The following MRC1 variants were observed in gnomAD, a reference collection of about 807,000 sequenced individuals.
MRC1 encodes macrophage mannose receptor 1.
In MRC1, 62 loss-of-function variants were observed where a neutral mutation model predicts 102.9. That is an observed-to-expected ratio of 0.60 (90% CI 0.49 to 0.74). The LOEUF (loss-of-function observed/expected upper bound fraction) is 0.74. MRC1 is among the 30% of genes least tolerant of loss of function. The pLI is 0.00. For synonymous variants in MRC1, 457 were observed against 298.4 expected (o/e 1.53, Z -5.48); for missense variants, 1,237 against 862.8 (o/e 1.43, Z -5.43).
chr10:17,845,418 C>A lies in MRC1; in HGVS notation c.1046C>A (p.Ser349Tyr). Residue 349 changes from serine to tyrosine, a missense_variant, in exon 6 of 30, where the codon TCT becomes TAT. Ser to Tyr is a moderately radical substitution (Grantham distance 144, BLOSUM62 -2). Coordinates refer to ENST00000569591, the MANE Select transcript of MRC1 (RefSeq NM_002438.4). The part of the protein sequence containing the change: ...ICKKGNTTLN[S>Y]FVIPSESDVP... The stretch of plus-strand genomic sequence containing the variant: ...AAAAAGGGCAACACCACTTTAAATT[C>A]TTTTGTTATTCCCTCAGGTAAGTGA... 2.6e-6 allele frequency: 2 copies of A among 780,854 alleles called. No homozygotes were observed. The highest frequency in any genetic ancestry group is 3.4e-5 in the Admixed American group (2 of 59,038). The allele number at this position is 780,854 out of a possible 1,614,324, so 48.4% of individuals were successfully genotyped here.
intron 2 of MRC1, among the ~76,000 whole-genome samples, chr10:17,825,747 T>C (rs1340829207): frequency 6.6e-6 from 1 of 152,112 alleles, no homozygotes; most frequent in Non-Finnish European, 1.5e-5. Context: ...ATAAAATAAG[T>C]AAATAAAGCT....
chr10:17,910,279 G>T lies in MRC1; in HGVS notation c.4185G>T (p.Val1395=), dbSNP rs983895256. 11 of 780,714 alleles carry T rather than the reference G, an allele frequency of 1.4e-5. No homozygotes were observed. Among genetic ancestry groups the T allele is most frequent in the Non-Finnish European group, 2.4e-5 (10 of 417,960 alleles). The allele number at this position is 780,714 out of a possible 1,614,324, so 48.4% of individuals were successfully genotyped here. A position where few individuals can be genotyped will look rare whatever the true frequency, so the allele number is the denominator to read the frequency against. The change falls in exon 30 of 30, where the codon GTG becomes GTT. Residue 1395 remains valine, a synonymous_variant. Coordinates refer to ENST00000569591, the MANE Select transcript of MRC1 (RefSeq NM_002438.4). ...SSNVAGVVII[V]ILLILTGAGL... is the part of the protein sequence containing the mutation. ...ACGTGGCCGGAGTAGTCATCATTGTGATCCTCCTGATTTTAACGGGTGCTG... is the reference window on the plus strand; with the variant it reads ...ACGTGGCCGGAGTAGTCATCATTGTTATCCTCCTGATTTTAACGGGTGCTG...
At chr10:17,831,612 A>G (rs1306175814) in intron 3 of MRC1, among the ~76,000 whole-genome samples, 1 of 151,412 alleles carries the variant, frequency 6.6e-6, no homozygotes, top group Admixed American at 6.6e-5. Context: ...GTGCTTATGG[A>G]AAATTGCCTA....
intron 8 of MRC1, among the ~76,000 whole-genome samples, chr10:17,853,479 A>T (rs982245655): frequency 0.029 from 4,406 of 152,192 alleles, 116 homozygotes; most frequent in Non-Finnish European, 0.036. Context: ...CATCTGACCA[A>T]TTAAGCCATA....
rs1833537675 is a variant in MRC1, at chr10:17,882,787, A to T, written c.2980+1606A>T. Among the ~76,000 whole-genome samples the T allele has an allele frequency of 2.0e-5, 3 of 152,256 alleles. No homozygotes were observed. In the South Asian group the frequency reaches 6.2e-4, roughly 32 times the overall value. On this transcript the variant is annotated intron_variant, in intron 21 of 29. Transcript: ENST00000569591. ...AAAGCACACAGTACAAGAACATAAC[A>T]TTCACATTTCTCCAACTGGCCTACC...
intron 26 of MRC1, 117 bp from the exon 27 acceptor site, chr10:17,906,769 C>A (rs1833901512): frequency 1.3e-6 from 1 of 757,028 alleles, no homozygotes; most frequent in Non-Finnish European, 2.5e-6. Flanking sequence ...GAAATTCTTC[C>A]CCTTAAGTGG....
intron 1 of MRC1, among the ~76,000 whole-genome samples, chr10:17,822,231 A>G (rs1465795831): frequency 1.3e-5 from 2 of 152,230 alleles, no homozygotes; most frequent in Admixed American, 6.5e-5. Context: ...ATTCTCTCCA[A>G]TGATATAAAA....
Position 17,907,557 on chromosome 10 carries a change from A to T in MRC1, c.3937A>T (p.Ser1313Cys), listed in dbSNP as rs1466779895. ...VEGTWLWINN[S>C]PVSFVNWNTG... ...AGGGACGTGGCTGTGGATAAATAAC[A>T]GTCCGGTCTCCTTTGTCAACTGGAA... Residue 1313 changes from serine to cysteine, a missense_variant, in exon 28 of 30, where the codon AGT becomes TGT. Transcript: ENST00000569591. 2 of 780,752 alleles carry T rather than the reference A, an allele frequency of 2.6e-6. No homozygotes were observed. The highest frequency in any genetic ancestry group is 4.8e-6 in the Non-Finnish European group (2 of 417,964). 48.4% of individuals were successfully genotyped at this position (780,752 alleles called of 1,614,324 possible). A position where few individuals can be genotyped will look rare whatever the true frequency, so the allele number is the denominator to read the frequency against.
At chr10:17,839,690 A>C (rs1457857888) in intron 4 of MRC1, among the ~76,000 whole-genome samples, 1 of 152,176 alleles carries the variant, frequency 6.6e-6, no homozygotes, top group Non-Finnish European at 1.5e-5. Flanking sequence ...GCCAAAGGAT[A>C]GTTTTTATTT....
At chr10:17,886,317 C>CTCCT (rs1325807829) in intron 22 of MRC1, among the ~76,000 whole-genome samples, 1 of 122,078 alleles carries the variant, frequency 8.2e-6, no homozygotes, top group African/African-American at 3.7e-5. Flanking sequence ...CCTTCCTTCC[C>CTCCT]TCCTTCCTTC....
In MRC1 at chr10:17,870,810, C is replaced by T. The variant is rs1833344398; in HGVS notation, c.2112-38C>T. The T allele has an allele frequency of 8.0e-6, 7 of 870,964 alleles. No homozygotes were observed. The Admixed American group carries it at 1.2e-4, about 15-fold the overall frequency. The allele number at this position is 870,964 out of a possible 1,614,324, so 54.0% of individuals were successfully genotyped here. ...CATAAGTTACTGAACTTGCTTCATG[C>T]AATAGCATATGCTTTCTTTATGTTT... On this transcript the variant is annotated intron_variant, in intron 13 of 29. Transcript: ENST00000569591.
At chr10:17,847,926 C>CCTTT (rs1838850497) in intron 6 of MRC1, among the ~76,000 whole-genome samples, 1 of 147,396 alleles carries the variant, frequency 6.8e-6, no homozygotes. Flanking sequence ...TCTTTTTCTT[C>CCTTT]TTTTTTTTTT....
At position 17,873,806 on chromosome 10, in the gene MRC1, A is replaced by G. The variant is rs1294889778; in HGVS notation, c.2367A>G (p.Pro789=). 1.1e-6 allele frequency: 1 copy of G among 872,644 alleles called. No homozygotes were observed. Among genetic ancestry groups the G allele is most frequent in the Non-Finnish European group, 2.0e-6 (1 of 501,402 alleles). The allele number at this position is 872,644 out of a possible 1,614,324, so 54.1% of individuals were successfully genotyped here. ...IQKGQTPKPE[P]TPAPQDNPPV... Reference sequence around the variant, plus strand: ...CAGGACAAACACCAAAACCTGAGCCAACACCAGCTCCTCAAGACAGTAGGT... The same window carrying G: ...CAGGACAAACACCAAAACCTGAGCCGACACCAGCTCCTCAAGACAGTAGGT... The change falls in exon 16 of 30, where the codon CCA becomes CCG. Residue 789 remains proline (P), a synonymous_variant. Coordinates refer to ENST00000569591, the MANE Select transcript of MRC1 (RefSeq NM_002438.4).
In MRC1 at chr10:17,889,420, T is replaced by C. The variant is rs1833643809; in HGVS notation, c.3147+3985T>C. 3.3e-5 allele frequency among the ~76,000 whole-genome samples: 5 copies of C among 152,218 alleles called. 2 individuals carry two copies. Among genetic ancestry groups the C allele is most frequent in the African/African-American group, 1.2e-4 (5 of 41,458 alleles). On this transcript the variant is annotated intron_variant, in intron 22 of 29. Transcript: ENST00000569591. ...CCAATTATACTTTAAGAAAGCTTTT[T>C]TCTTTTCTTTTTTCTTTTTATTACA...
intron 17 of MRC1, among the ~76,000 whole-genome samples, chr10:17,877,525 A>T (rs1449524253): frequency 6.6e-6 from 1 of 151,264 alleles, no homozygotes; most frequent in Non-Finnish European, 1.5e-5. Flanking sequence ...ATTCTTTTTT[A>T]TATAAAAAAG....
chr10:17,866,027 T>C (rs921883346), intron 11 of MRC1, among the ~76,000 whole-genome samples: 1 of 152,246 alleles, frequency 6.6e-6, no homozygotes, highest in Non-Finnish European at 1.5e-5. Flanking sequence ...TTTTATGTAC[T>C]TCTTTGTTCG....
Position 17,813,701 on chromosome 10 carries a change from T to TATATATATATATATA in MRC1, c.61+4175_61+4176insATATATATATATATA, listed in dbSNP as rs199643443. On this transcript the variant is annotated intron_variant, in intron 1 of 29. Transcript: ENST00000569591. ...CACACATTATATATATATATATATA[T>TATATATATATATATA]TTTTTTTTTTTTTTGAGACAGGGTC... Among the ~76,000 whole-genome samples the TATATATATATATATA allele has an allele frequency of 3.2e-4, 34 of 107,276 alleles. 1 individual carries two copies. The East Asian group carries it at 4.7e-3, about 15-fold the overall frequency. The allele number at this position is 107,276 out of a possible 152,430, so 70.4% of individuals were successfully genotyped here.
intron 2 of MRC1, among the ~76,000 whole-genome samples, chr10:17,827,013 A>T (rs888689012): frequency 1.3e-5 from 2 of 152,128 alleles, no homozygotes; most frequent in African/African-American, 2.4e-5. Context: ...GTTTTTTTTA[A>T]TCTAGAGATT....
chr10:17,909,087 A>G (rs1451597105), intron 28 of MRC1, among the ~76,000 whole-genome samples: 1 of 152,196 alleles, frequency 6.6e-6, no homozygotes, highest in African/African-American at 2.4e-5. Context: ...GCTATGGCTC[A>G]GACAGAGAGA....
Sources: gnomAD v4.1 joint callset for allele counts (sites outside exome capture counted in the v4.1 genomes callset) on GRCh38, gnomAD v4.1.1 for gene constraint, MANE v1.5 for transcripts, NCBI Gene and HGNC (gene_info 2026-07-23, HGNC 2026-07-21) for gene names.